Variants in TRPM3 observed in about 807,000 individuals in gnomAD.
TRPM3 encodes transient receptor potential cation channel subfamily M member 3, also known as long transient receptor potential channel 3.
TRPM3 carries 77 observed loss-of-function variants against 181.2 expected under a neutral mutation model. The ratio of observed to expected loss-of-function variants is 0.42; its 90% CI spans 0.35 to 0.51. TRPM3 has a LOEUF of 0.51. Ranked by LOEUF, TRPM3 falls within the 20% of genes least tolerant of loss-of-function variation. The pLI is 0.01. For missense variants in TRPM3, 1,759 were observed against 2,196.7 expected (o/e 0.80, Z 3.98); for synonymous variants, 745 against 796.4 (o/e 0.94, Z 1.09).
At chr9:71,362,067 C>T (rs911637704) in intron 1 of TRPM3, among the ~76,000 whole-genome samples, 1 of 152,072 alleles carries the variant, frequency 6.6e-6, no homozygotes, top group Non-Finnish European at 1.5e-5. Context: ...GGGAAGGCAC[C>T]TTGGGCTGCT....
intron 1 of TRPM3, among the ~76,000 whole-genome samples, chr9:71,319,919 C>G (rs1019923654): frequency 6.6e-6 from 1 of 152,028 alleles, no homozygotes; most frequent in Non-Finnish European, 1.5e-5. Flanking sequence ...TTACAAAATT[C>G]TAATATAAGA....
At chr9:71,226,360 C>T (rs2080651189) in intron 1 of TRPM3, among the ~76,000 whole-genome samples, 1 of 151,636 alleles carries the variant, frequency 6.6e-6, no homozygotes, top group Non-Finnish European at 1.5e-5. Context: ...TATAAATGGA[C>T]TAAACTCTCC....
At chr9:71,153,917 A>G (rs2075860888) in intron 1 of TRPM3, among the ~76,000 whole-genome samples, 1 of 152,116 alleles carries the variant, frequency 6.6e-6, no homozygotes, top group Non-Finnish European at 1.5e-5. Context: ...AATTTAGGGT[A>G]ATTCTTTCCA....
At chr9:71,400,761 A>C (rs1026681304) in intron 1 of TRPM3, among the ~76,000 whole-genome samples, 2 of 152,038 alleles carry the variant, frequency 1.3e-5, no homozygotes, top group African/African-American at 4.8e-5. Context: ...TTCTATTTTT[A>C]AGTGTATGGC....
At chr9:71,131,352 C>T (rs2074362059) in intron 1 of TRPM3, among the ~76,000 whole-genome samples, 1 of 152,134 alleles carries the variant, frequency 6.6e-6, no homozygotes, top group African/African-American at 2.4e-5. Flanking sequence ...TATTGCAGCT[C>T]TTTGTTTGAA....
chr9:70,906,249 C>T (rs561190076), intron 1 of TRPM3, among the ~76,000 whole-genome samples: 2 of 151,780 alleles, frequency 1.3e-5, no homozygotes, highest in South Asian at 4.2e-4. Flanking sequence ...AGGTAGTAGC[C>T]AGGGATTTTA....
Position 70,827,978 on chromosome 9 carries a change from T to C in TRPM3, c.842A>G (p.Lys281Arg). The C allele has an allele frequency of 6.2e-7, 1 of 1,614,024 alleles. No individual in the cohort carries two copies. The highest frequency in any genetic ancestry group is 8.5e-7 in the Non-Finnish European group (1 of 1,179,934). ...PYQTMSNPMS[K>R]LTVLNSMHSH... The stretch of plus-strand genomic sequence containing the variant: ...ATGCATGCTGTTGAGAACAGTGAGC[T>C]TGCTCATGGGATTGGACATGGTCTG... Residue 281 changes from lysine (K) to arginine (R), a missense_variant, in exon 6 of 26, where the codon AAG becomes AGG. Transcript: ENST00000677713.
At position 70,877,384 on chromosome 9, in the gene TRPM3, G is replaced by T. The variant is rs117288232; in HGVS notation, c.178-12873C>A. Among the ~76,000 whole-genome samples the T allele has an allele frequency of 2.6e-5, 4 of 152,124 alleles. No individual in the cohort carries two copies. The East Asian group carries it at 7.8e-4, about 29-fold the overall frequency. On this transcript the variant is annotated intron_variant, in intron 1 of 25. Transcript: ENST00000677713. Reference sequence around the variant, plus strand: ...TAAGTTAGTCTTTAATCTGGTTATTGCTTCTTTAAAGTGACACAAATATTC... The same window carrying T: ...TAAGTTAGTCTTTAATCTGGTTATTTCTTCTTTAAAGTGACACAAATATTC...
intron 1 of TRPM3, among the ~76,000 whole-genome samples, chr9:71,347,975 G>A (rs774607016): frequency 6.6e-6 from 1 of 151,978 alleles, no homozygotes; most frequent in Non-Finnish European, 1.5e-5. Flanking sequence ...CTCTCTGGTT[G>A]AGAAAAAAGT....
intron 1 of TRPM3, among the ~76,000 whole-genome samples, chr9:71,440,787 A>G (rs780613384): frequency 6.6e-6 from 1 of 152,192 alleles, no homozygotes; most frequent in Non-Finnish European, 1.5e-5. Context: ...TAATCCTTTC[A>G]TTTTTGCTTT....
At position 71,335,314 on chromosome 9, in the gene TRPM3, T is replaced by C. The variant is rs144974866; in HGVS notation, c.183+111339A>G. ...GGTAGGAGTTTGGCAAATAAAGTTC[T>C]TTCAGATTACAATTTTTTTTCAATA... is the stretch of plus-strand genomic sequence containing the variant. On this transcript the variant is annotated intron_variant, in intron 1 of 24. Transcript: ENST00000357533. Among the ~76,000 whole-genome samples the C allele has an allele frequency of 5.9e-5, 9 of 152,274 alleles. No homozygotes were observed. The East Asian group carries it at 1.7e-3, about 29-fold the overall frequency.
intron 1 of TRPM3, among the ~76,000 whole-genome samples, chr9:70,924,871 CA>C (rs774887237): frequency 5.3e-5 from 8 of 152,108 alleles, no homozygotes; most frequent in African/African-American, 1.4e-4. Context: ...CTCTTATTTT[CA>C]AGAAGTAATT....
intron 7 of TRPM3, among the ~76,000 whole-genome samples, chr9:70,779,149 C>A (rs1219958523): frequency 2.0e-5 from 3 of 151,178 alleles, no homozygotes; most frequent in Admixed American, 1.3e-4. Context: ...ATTATCTATT[C>A]TCCTGCTCCC....
In TRPM3 at chr9:71,255,789, T is replaced by C. The variant is rs547003053; in HGVS notation, c.183+190864A>G. 5.3e-5 allele frequency among the ~76,000 whole-genome samples: 8 copies of C among 152,312 alleles called. No individual in the cohort carries two copies. In the East Asian group the frequency reaches 1.3e-3, roughly 26 times the overall value. On this transcript the variant is annotated intron_variant, in intron 1 of 24. Coordinates refer to the TRPM3 transcript ENST00000357533. ...ATGTGTAAAATAATGGGTTTCTATATGCTCATTTTAGCTGTAAAAACTCTA... is the reference window on the plus strand; with the variant it reads ...ATGTGTAAAATAATGGGTTTCTATACGCTCATTTTAGCTGTAAAAACTCTA...
intron 1 of TRPM3, among the ~76,000 whole-genome samples, chr9:70,914,391 G>T (rs1051436549): frequency 6.6e-6 from 1 of 152,118 alleles, no homozygotes; most frequent in African/African-American, 2.4e-5. Flanking sequence ...TCATTCTAAG[G>T]TATTTTGTTA....
At chr9:71,168,279 T>C (rs961632693) in intron 1 of TRPM3, among the ~76,000 whole-genome samples, 21 of 152,262 alleles carry the variant, frequency 1.4e-4, no homozygotes, top group Admixed American at 7.9e-4. Context: ...TCCTTTGTAA[T>C]CTAGTTTTCA....
intron 1 of TRPM3, among the ~76,000 whole-genome samples, chr9:70,991,330 AC>A (rs2097482103): frequency 6.6e-6 from 1 of 152,230 alleles, no homozygotes; most frequent in Admixed American, 6.5e-5. Context: ...TGACTTTGTC[AC>A]CAAACAAAAT....
chr9:70,918,103 C>A (rs538445854), intron 1 of TRPM3, among the ~76,000 whole-genome samples: 46 of 152,230 alleles, frequency 3.0e-4, no homozygotes, highest in Non-Finnish European at 5.7e-4. Flanking sequence ...TTGCACCCAA[C>A]ACTGCAGCAC....
intron 1 of TRPM3, among the ~76,000 whole-genome samples, chr9:70,887,291 T>A (rs144983111): frequency 0.01 from 1,532 of 152,296 alleles, 35 homozygotes; most frequent in African/African-American, 0.034. Flanking sequence ...AATGTTGAAG[T>A]CACAGAAAGA....
Sources: allele counts gnomAD v4.1 joint callset (sites outside exome capture counted in the v4.1 genomes callset), GRCh38; gene constraint gnomAD v4.1.1; transcripts MANE v1.5; gene names NCBI Gene and HGNC (gene_info 2026-07-23, HGNC 2026-07-21).